The following NUDC variants were observed in gnomAD, a reference collection of about 807,000 sequenced individuals.
NUDC encodes the protein nuclear distribution C, dynein complex regulator.
Under a neutral mutation model 45.0 loss-of-function variants are expected in NUDC, and 14 were observed. The ratio of observed to expected loss-of-function variants is 0.31; its 90% CI spans 0.21 to 0.49. NUDC has a LOEUF of 0.49. NUDC is among the 20% of genes least tolerant of loss of function. The probability of loss-of-function intolerance (pLI) is 0.99; values close to 1 mark genes in which losing one functional copy is unlikely to be tolerated. For missense variants in NUDC, 323 were observed against 426.2 expected, an observed-to-expected ratio of 0.76 and a Z score of 2.13; for synonymous variants, 153 against 156.7, an observed-to-expected ratio of 0.98 and a Z score of 0.17.
intron 3 of NUDC, among the ~76,000 whole-genome samples, chr1:26,912,747 C>G (rs1297245584): frequency 6.6e-6 from 1 of 152,152 alleles, no homozygotes; most frequent in Non-Finnish European, 1.5e-5. Context: ...AGTTTTAGCT[C>G]TAGAGCTTCA....
At chr1:26,946,043 A>G (rs2082315206) in intron 8 of NUDC, 87 bp from the exon 9 acceptor site, 1 of 1,304,328 alleles carries the variant, frequency 7.7e-7, no homozygotes, top group African/African-American at 1.5e-5. Flanking sequence ...AGGTCTAAAG[A>G]GATTAGACTT....
chr1:26,924,501 T>C (rs2124097328), intron 2 of NUDC, among the ~76,000 whole-genome samples: 1 of 152,318 alleles, frequency 6.6e-6, no homozygotes, highest in East Asian at 1.9e-4. Context: ...TGTAAACCTG[T>C]CCTCTGCCCC....
intron 2 of NUDC, among the ~76,000 whole-genome samples, chr1:26,935,903 G>A (rs1415032533): frequency 6.7e-6 from 1 of 149,984 alleles, no homozygotes; most frequent in Non-Finnish European, 1.5e-5. Context: ...TGAGGTGGTA[G>A]GATCACTTGA....
Position 26,913,655 on chromosome 1 carries a change from A to C in NUDC, c.93+2420A>C, listed in dbSNP as rs1442629607. On this transcript the variant is annotated intron_variant, in intron 3 of 6. Coordinates refer to the NUDC transcript ENST00000435827. ...GCATCTTGGGCCAACCCAAGCAGGA[A>C]GAGGGGGCCCCAGCAACCCTGCAGC... is the stretch of plus-strand genomic sequence containing the variant. 6 of 1,613,802 alleles carry C rather than the reference A, an allele frequency of 3.7e-6. No individual in the cohort carries two copies. The South Asian group carries it at 6.6e-5, about 18-fold the overall frequency.
At chr1:26,943,097 T>C in intron 6 of NUDC, 32 bp downstream of exon 6, 1 of 1,610,308 alleles carries the variant, frequency 6.2e-7, no homozygotes, top group East Asian at 2.2e-5. Flanking sequence ...TAGCCTGGGG[T>C]GTTGATGGAA....
upstream of NUDC, among the ~76,000 whole-genome samples, chr1:26,918,577 T>A (rs2082073825): frequency 6.7e-6 from 1 of 148,444 alleles, no homozygotes; most frequent in African/African-American, 2.5e-5. Context: ...CCCAGCTTTT[T>A]TTTTTTTTTT....
chr1:26,934,506 C>A (rs1340559632), intron 2 of NUDC, among the ~76,000 whole-genome samples: 2 of 152,140 alleles, frequency 1.3e-5, no homozygotes, highest in Non-Finnish European at 1.5e-5. Context: ...CATTTCAAAA[C>A]ACAATCATGC....
upstream of NUDC, among the ~76,000 whole-genome samples, chr1:26,917,832 G>T (rs1351418866): frequency 6.6e-6 from 1 of 151,526 alleles, no homozygotes; most frequent in Non-Finnish European, 1.5e-5. Flanking sequence ...GTTGCAGTGA[G>T]CCAAGATCCC....
chr1:26,930,564 G>A lies in NUDC; in HGVS notation c.159+6398G>A, dbSNP rs182353641. Among the ~76,000 whole-genome samples the A allele has an allele frequency of 1.2e-4, 18 of 152,212 alleles. No individual in the cohort carries two copies. The East Asian group carries it at 3.5e-3, about 29-fold the overall frequency. On this transcript the variant is annotated intron_variant, in intron 2 of 8. Transcript: ENST00000321265. The stretch of plus-strand genomic sequence containing the variant: ...TCTGTACAAAAAATAGAAAATCATA[G>A]CCAAGAGTGGTGGCACAAGCCTGTA...
chr1:26,908,533 A>AAGG (rs1273523123), intron 2 of NUDC, among the ~76,000 whole-genome samples: 1 of 152,092 alleles, frequency 6.6e-6, no homozygotes, highest in Non-Finnish European at 1.5e-5. Context: ...GAAATTTGAA[A>AAGG]AGGATCAAGG....
intron 3 of NUDC, chr1:26,911,975 G>A: frequency 5.0e-6 from 8 of 1,614,248 alleles, no homozygotes; most frequent in Non-Finnish European, 6.8e-6. Context: ...GAGGACACGG[G>A]TCAGGCGGCC....
chr1:26,904,184 CT>C (rs55759997), intron 2 of NUDC, among the ~76,000 whole-genome samples: 21,316 of 137,110 alleles, frequency 0.16, 1,531 homozygotes, highest in African/African-American at 0.2. Flanking sequence ...TTATTACATA[CT>C]TTTTTTTTTT....
intron 2 of NUDC, among the ~76,000 whole-genome samples, chr1:26,940,914 CTTTA>C (rs2124135997): frequency 1.3e-5 from 2 of 150,728 alleles, no homozygotes; most frequent in African/African-American, 4.9e-5. Context: ...TCTCCAATTC[CTTTA>C]TTTATTATTA....
intron 2 of NUDC, among the ~76,000 whole-genome samples, chr1:26,904,567 A>G (rs1366439499): frequency 4.6e-5 from 7 of 152,184 alleles, no homozygotes. Context: ...CTGGGATAAC[A>G]GACTTGAAAC....
chr1:26,901,389 C>T (rs1056223222), intron 1 of NUDC, among the ~76,000 whole-genome samples: 2 of 144,404 alleles, frequency 1.4e-5, no homozygotes, highest in Admixed American at 6.9e-5. Context: ...CGGTCCCCGC[C>T]TTTTTGTCTT....
chr1:26,926,861 A>C (rs2082136830), intron 2 of NUDC, among the ~76,000 whole-genome samples: 1 of 152,014 alleles, frequency 6.6e-6, no homozygotes, highest in African/African-American at 2.4e-5. Flanking sequence ...AGCCTCCCAA[A>C]GTGCTGGGAT....
At chr1:26,934,460 C>T (rs2082210090) in intron 2 of NUDC, among the ~76,000 whole-genome samples, 1 of 152,120 alleles carries the variant, frequency 6.6e-6, no homozygotes, top group Non-Finnish European at 1.5e-5. Context: ...CGGTATCATT[C>T]TGCCCCTGGT....
chr1:26,941,367 G>A (rs2082274643), intron 2 of NUDC, 90 bp from the exon 3 acceptor site: 1 of 1,378,348 alleles, frequency 7.3e-7, no homozygotes, highest in Non-Finnish European at 1.0e-6. Flanking sequence ...CTTTGCCCTT[G>A]CACCCAGCAG....
At chr1:26,913,975 C>T (rs779984331) in intron 3 of NUDC, 13 of 1,432,356 alleles carry the variant, frequency 9.1e-6, no homozygotes, top group Admixed American at 2.5e-5. Flanking sequence ...AGCTCTCTGG[C>T]TCTGTGTTCT....
Sources: allele counts gnomAD v4.1 joint callset (sites outside exome capture counted in the v4.1 genomes callset), GRCh38; gene constraint gnomAD v4.1.1; transcripts MANE v1.5; gene names NCBI Gene and HGNC (gene_info 2026-07-23, HGNC 2026-07-21).